KCNB2: variants seen among roughly 807,000 people sequenced by gnomAD.
The protein encoded by KCNB2 is potassium voltage-gated channel subfamily B member 2.
Under a neutral mutation model 61.5 loss-of-function variants are expected in KCNB2, and 15 were observed. The observed-to-expected ratio is 0.24, with a 90% CI of 0.16 to 0.38. The LOEUF (loss-of-function observed/expected upper bound fraction) is 0.38. KCNB2 is among the 10% of genes least tolerant of loss of function. The probability of loss-of-function intolerance (pLI) is 1.00; values close to 1 mark genes in which losing one functional copy is unlikely to be tolerated. For synonymous variants in KCNB2, 457 were observed against 446.0 expected (o/e 1.02, Z -0.31); for missense variants, 828 against 1,125.2 (o/e 0.74, Z 3.78).
At chr8:72,567,603 G>T in intron 1 of KCNB2, 39 bp from the exon 2 acceptor site, 3 of 651,382 alleles carry the variant, frequency 4.6e-6, no homozygotes, top group Non-Finnish European at 8.0e-6. Context: ...AACACTCTAG[G>T]AAAATGCAAG....
At chr8:72,934,806 C>G (rs1353694237) in intron 2 of KCNB2, among the ~76,000 whole-genome samples, 1 of 151,876 alleles carries the variant, frequency 6.6e-6, no homozygotes, top group Non-Finnish European at 1.5e-5. Context: ...ACAATTTAAG[C>G]AAAGAAGCAC....
Position 72,615,511 on chromosome 8 carries a change from G to A in KCNB2, c.579+47198G>A, listed in dbSNP as rs778857149. Among the ~76,000 whole-genome samples the A allele has an allele frequency of 2.0e-5, 3 of 152,162 alleles. No individual in the cohort carries two copies. In the South Asian group the frequency reaches 6.2e-4, roughly 31 times the overall value. ...AAATTTCTAGTTTATTTGGCCCATGGTGGAGCCTGAAATCTGCATTTTAAA... is the reference window on the plus strand; with the variant it reads ...AAATTTCTAGTTTATTTGGCCCATGATGGAGCCTGAAATCTGCATTTTAAA... On this transcript the variant is annotated intron_variant, in intron 2 of 2. Coordinates refer to ENST00000523207, the MANE Select transcript of KCNB2 (RefSeq NM_004770.3).
At chr8:72,642,827 A>G (rs1806077517) in intron 2 of KCNB2, among the ~76,000 whole-genome samples, 1 of 152,198 alleles carries the variant, frequency 6.6e-6, no homozygotes, top group Admixed American at 6.6e-5. Context: ...TCTTTTGGCC[A>G]ATATAGTTGA....
intron 2 of KCNB2, among the ~76,000 whole-genome samples, chr8:72,606,861 G>C (rs1450622310): frequency 6.6e-6 from 1 of 152,184 alleles, no homozygotes; most frequent in Non-Finnish European, 1.5e-5. Context: ...CCAGGTTCTA[G>C]ATTCTAAGAC....
At chr8:72,627,577 T>C (rs1193226394) in intron 2 of KCNB2, among the ~76,000 whole-genome samples, 1 of 152,228 alleles carries the variant, frequency 6.6e-6, no homozygotes, top group Non-Finnish European at 1.5e-5. Flanking sequence ...TTTTTATCCA[T>C]GATAACACTA....
intron 2 of KCNB2, among the ~76,000 whole-genome samples, chr8:72,772,810 C>A (rs1040957343): frequency 6.6e-6 from 1 of 152,170 alleles, no homozygotes; most frequent in African/African-American, 2.4e-5. Context: ...TGTTCCAAAG[C>A]ATCAGTGGCA....
intron 2 of KCNB2, among the ~76,000 whole-genome samples, chr8:72,850,961 T>C (rs1403491273): frequency 1.3e-5 from 2 of 152,254 alleles, no homozygotes; most frequent in Admixed American, 1.3e-4. Context: ...CTTATCATCC[T>C]CTAATATATG....
intron 2 of KCNB2, among the ~76,000 whole-genome samples, chr8:72,897,111 C>G (rs893069025): frequency 3.9e-5 from 6 of 151,928 alleles, no homozygotes. Context: ...AGGAAATTGC[C>G]TTGATCTTTC....
chr8:72,856,287 T>A (rs962874090), intron 2 of KCNB2, among the ~76,000 whole-genome samples: 19 of 152,154 alleles, frequency 1.2e-4, no homozygotes, highest in Admixed American at 7.9e-4. Flanking sequence ...TTATACTACA[T>A]ATCATAAATC....
At position 72,780,095 on chromosome 8, in the gene KCNB2, C is replaced by G. The variant is rs555258420; in HGVS notation, c.580-155840C>G. ...AAGTGTTATTTAATAATGTTCAAAGCTGTAAGTGGAATCTAGTGGTTCACA... is the reference window on the plus strand; with the variant it reads ...AAGTGTTATTTAATAATGTTCAAAGGTGTAAGTGGAATCTAGTGGTTCACA... On this transcript the variant is annotated intron_variant, in intron 2 of 2. Coordinates refer to ENST00000523207, the MANE Select transcript of KCNB2 (RefSeq NM_004770.3). Among the ~76,000 whole-genome samples, 9 of 152,130 alleles carry G rather than the reference C, an allele frequency of 5.9e-5. No homozygotes were observed. The South Asian group carries it at 1.9e-3, about 32-fold the overall frequency.
At chr8:72,904,311 A>G (rs1436638746) in intron 2 of KCNB2, among the ~76,000 whole-genome samples, 1 of 151,990 alleles carries the variant, frequency 6.6e-6, no homozygotes, top group Non-Finnish European at 1.5e-5. Flanking sequence ...ACTTCACCCC[A>G]TTTTTCCTCT....
At chr8:72,713,121 C>T (rs1286109461) in intron 2 of KCNB2, among the ~76,000 whole-genome samples, 2 of 152,236 alleles carry the variant, frequency 1.3e-5, no homozygotes, top group Non-Finnish European at 2.9e-5. Flanking sequence ...GGAGGGGCGC[C>T]CGCCATTGCC....
chr8:72,778,522 G>T (rs1472368359), intron 2 of KCNB2, among the ~76,000 whole-genome samples: 1 of 151,590 alleles, frequency 6.6e-6, no homozygotes, highest in African/African-American at 2.4e-5. Context: ...CAGATTGCTT[G>T]AGCCCAGGAG....
chr8:72,734,559 C>T (rs539817450), intron 2 of KCNB2, among the ~76,000 whole-genome samples: 7 of 152,272 alleles, frequency 4.6e-5, no homozygotes, highest in East Asian at 3.9e-4. Flanking sequence ...GCTACTATGA[C>T]GCCTGAACTA....
intron 2 of KCNB2, chr8:72,619,357 A>G: frequency 1.8e-6 from 1 of 558,476 alleles, no homozygotes; most frequent in South Asian, 1.5e-5. Context: ...TTGGCTTCTG[A>G]TTTATATTCA....
chr8:72,808,147 A>G (rs1226001806), intron 2 of KCNB2, among the ~76,000 whole-genome samples: 7 of 152,216 alleles, frequency 4.6e-5, no homozygotes, highest in Non-Finnish European at 5.9e-5. Flanking sequence ...TTATGCTGAC[A>G]GGGATCAGTA....
intron 2 of KCNB2, among the ~76,000 whole-genome samples, chr8:72,823,377 G>A (rs563049772): frequency 6.6e-6 from 1 of 152,242 alleles, no homozygotes; most frequent in African/African-American, 2.4e-5. Flanking sequence ...CCAGCCTGGG[G>A]AAGCAGGTTA....
At chr8:72,820,914 A>G (rs1809487239) in intron 2 of KCNB2, among the ~76,000 whole-genome samples, 1 of 152,128 alleles carries the variant, frequency 6.6e-6, no homozygotes, top group Admixed American at 6.5e-5. Flanking sequence ...TCCTGCTACA[A>G]AGTCCAGGGC....
chr8:72,929,190 G>A (rs956278485), intron 2 of KCNB2, among the ~76,000 whole-genome samples: 1 of 152,194 alleles, frequency 6.6e-6, no homozygotes, highest in Non-Finnish European at 1.5e-5. Context: ...CCATGTGTTT[G>A]AATTGCTGAT....
Sources: allele counts gnomAD v4.1 joint callset (sites outside exome capture counted in the v4.1 genomes callset), GRCh38; gene constraint gnomAD v4.1.1; transcripts MANE v1.5; gene names NCBI Gene and HGNC (gene_info 2026-07-23, HGNC 2026-07-21).